Variants in GPC6 observed in about 807,000 individuals in gnomAD.
GPC6 encodes glypican 6, also known as glypican-6.
Under a neutral mutation model 55.2 loss-of-function variants are expected in GPC6, and 14 were observed. The ratio of observed to expected loss-of-function variants is 0.25; its 90% CI spans 0.17 to 0.40. The LOEUF (loss-of-function observed/expected upper bound fraction) is 0.40, where lower values mean the gene tolerates loss of function less well. Ranked by LOEUF, GPC6 falls within the 10% of genes least tolerant of loss-of-function variation. The probability of loss-of-function intolerance (pLI) is 1.00; values close to 1 mark genes in which losing one functional copy is unlikely to be tolerated. For synonymous variants in GPC6, 278 were observed against 259.6 expected, an observed-to-expected ratio of 1.07 and a Z score of -0.68; for missense variants, 641 against 708.5, an observed-to-expected ratio of 0.90 and a Z score of 1.08.
intron 4 of GPC6, among the ~76,000 whole-genome samples, chr13:94,246,718 G>A (rs1007728798): frequency 1.3e-5 from 2 of 152,018 alleles, no homozygotes; most frequent in Admixed American, 1.3e-4. Context: ...ACTGGTCTAT[G>A]TGTCTGTTTT....
intron 6 of GPC6, among the ~76,000 whole-genome samples, chr13:94,333,355 G>C (rs764801174): frequency 1.2e-4 from 19 of 152,164 alleles, no homozygotes; most frequent in Non-Finnish European, 2.1e-4. Context: ...GAGTGTGCAG[G>C]CTCTCTGTGC....
intron 2 of GPC6, among the ~76,000 whole-genome samples, chr13:93,584,831 G>A (rs887447621): frequency 4.0e-5 from 6 of 151,590 alleles, no homozygotes; most frequent in African/African-American, 1.5e-4. Context: ...TGGGCCTATA[G>A]GCATGCACCA....
At chr13:94,318,890 T>G (rs1356820456) in intron 6 of GPC6, among the ~76,000 whole-genome samples, 1 of 152,194 alleles carries the variant, frequency 6.6e-6, no homozygotes, top group African/African-American at 2.4e-5. Flanking sequence ...CCAATATTAA[T>G]GTAGTTACAC....
At chr13:94,151,630 C>T (rs778229104) in intron 4 of GPC6, among the ~76,000 whole-genome samples, 12 of 152,242 alleles carry the variant, frequency 7.9e-5, no homozygotes, top group Middle Eastern at 3.4e-3. Flanking sequence ...AAACTATAGA[C>T]GAATTGGGTG....
chr13:93,911,348 T>G (rs72644450), intron 3 of GPC6, among the ~76,000 whole-genome samples: 6,190 of 152,200 alleles, frequency 0.041, 180 homozygotes, highest in Middle Eastern at 0.078. Flanking sequence ...ATTAAGTCAC[T>G]GATTCAGTGT....
At chr13:93,337,730 T>C (rs1054390890) in intron 1 of GPC6, among the ~76,000 whole-genome samples, 4 of 152,216 alleles carry the variant, frequency 2.6e-5, no homozygotes, top group Admixed American at 6.5e-5. Context: ...GAGATGCTTA[T>C]GTTGCAGCTA....
chr13:94,069,550 A>C (rs1884654444), intron 4 of GPC6, among the ~76,000 whole-genome samples: 1 of 152,060 alleles, frequency 6.6e-6, no homozygotes, highest in Non-Finnish European at 1.5e-5. Flanking sequence ...CAGACTGTAA[A>C]TTTCTCGAAC....
chr13:93,764,148 A>G (rs1209123412), intron 2 of GPC6, among the ~76,000 whole-genome samples: 1 of 152,066 alleles, frequency 6.6e-6, no homozygotes, highest in Non-Finnish European at 1.5e-5. Flanking sequence ...TAAGCCTCTA[A>G]TATATAGTAG....
chr13:93,893,481 G>GA (rs1341759801), intron 3 of GPC6, among the ~76,000 whole-genome samples: 2 of 152,080 alleles, frequency 1.3e-5, no homozygotes, highest in African/African-American at 4.8e-5. Context: ...AGTTGTAATA[G>GA]AAAATTAAAG....
At chr13:94,096,470 T>C (rs2138819052) in intron 4 of GPC6, among the ~76,000 whole-genome samples, 1 of 152,296 alleles carries the variant, frequency 6.6e-6, no homozygotes, top group South Asian at 2.1e-4. Context: ...AGAGGCTCTT[T>C]ATTGTTTCAG....
At chr13:93,629,787 C>G (rs1253627792) in intron 2 of GPC6, among the ~76,000 whole-genome samples, 3 of 152,168 alleles carry the variant, frequency 2.0e-5, no homozygotes, top group African/African-American at 7.2e-5. Context: ...AAACAATAAA[C>G]CACAAATTCA....
intron 1 of GPC6, among the ~76,000 whole-genome samples, chr13:93,267,909 A>G (rs1300974783): frequency 6.6e-6 from 1 of 152,204 alleles, no homozygotes; most frequent in African/African-American, 2.4e-5. Flanking sequence ...AAAATGTGTC[A>G]TTATAGCTCT....
chr13:93,464,979 C>G (rs1157213292), intron 1 of GPC6, among the ~76,000 whole-genome samples: 1 of 152,188 alleles, frequency 6.6e-6, no homozygotes, highest in Non-Finnish European at 1.5e-5. Flanking sequence ...TCCATCAAAA[C>G]TCTTGGGAGA....
chr13:94,391,101 TG>T (rs951288297), intron 7 of GPC6, among the ~76,000 whole-genome samples: 2 of 152,202 alleles, frequency 1.3e-5, no homozygotes, highest in African/African-American at 4.8e-5. Context: ...TCCTGCTTAC[TG>T]CTGCAATCAA....
intron 2 of GPC6, among the ~76,000 whole-genome samples, chr13:93,690,475 T>C (rs1485746536): frequency 6.6e-6 from 1 of 152,040 alleles, no homozygotes; most frequent in African/African-American, 2.4e-5. Context: ...ATTTGATTTT[T>C]ATGGCCTCTC....
chr13:93,565,392 A>G (rs1178591811), intron 2 of GPC6, among the ~76,000 whole-genome samples: 1 of 152,226 alleles, frequency 6.6e-6, no homozygotes, highest in East Asian at 1.9e-4. Context: ...CATTTTAACA[A>G]TAAACTTGTT....
At chr13:93,410,923 G>A (rs34144741) in intron 1 of GPC6, among the ~76,000 whole-genome samples, 7,820 of 152,176 alleles carry the variant, frequency 0.051, 293 homozygotes, top group Non-Finnish European at 0.078. Context: ...GCAAAATTCA[G>A]CTATGGAAAT....
In GPC6 at chr13:94,139,874, T is replaced by C. The variant is rs577769900; in HGVS notation, c.877+111980T>C. Among the ~76,000 whole-genome samples the C allele has an allele frequency of 3.9e-5, 6 of 152,290 alleles. No individual in the cohort carries two copies. The South Asian group carries it at 1.2e-3, about 32-fold the overall frequency. Reference sequence around the variant, plus strand: ...TCCTGGGGCTACAGTTTAACAACATTGTTTTCTGATTGTTGTTAACATTGA... The same window carrying C: ...TCCTGGGGCTACAGTTTAACAACATCGTTTTCTGATTGTTGTTAACATTGA... On this transcript the variant is annotated intron_variant, in intron 4 of 8. Coordinates refer to ENST00000377047, the MANE Select transcript of GPC6 (RefSeq NM_005708.5).
At chr13:93,507,654 C>G (rs573481759) in intron 1 of GPC6, among the ~76,000 whole-genome samples, 1 of 151,758 alleles carries the variant, frequency 6.6e-6, no homozygotes, top group South Asian at 2.1e-4. Context: ...TTTTTTGGTT[C>G]GCCAATATCG....
Sources: gnomAD v4.1 joint callset for allele counts (sites outside exome capture counted in the v4.1 genomes callset) on GRCh38, gnomAD v4.1.1 for gene constraint, MANE v1.5 for transcripts, NCBI Gene and HGNC (gene_info 2026-07-23, HGNC 2026-07-21) for gene names.